POU3F3: variants seen among roughly 807,000 people sequenced by gnomAD.
POU3F3 encodes POU domain, class 3, transcription factor 3.
A neutral mutation model predicts 8.6 loss-of-function variants in POU3F3; 1 was observed. The observed-to-expected ratio is 0.12, with a 90% CI of 0.04 to 0.55. The LOEUF is 0.55. POU3F3 is among the 20% of genes least tolerant of loss of function. The pLI is 0.91. For missense variants in POU3F3, 577 were observed against 690.7 expected, an observed-to-expected ratio of 0.84 and a Z score of 1.84; for synonymous variants, 418 against 327.4, an observed-to-expected ratio of 1.28 and a Z score of -2.99.
At chr2:104,921,043 A>G in the POU3F3 span, among the ~76,000 whole-genome samples, 1 of 152,186 alleles carries the variant, frequency 6.6e-6, no homozygotes, top group Admixed American at 6.5e-5. Context: ...TACTTAGTCC[A>G]GGGCCACACC....
At chr2:104,892,997 A>G in the POU3F3 span, among the ~76,000 whole-genome samples, 1 of 152,034 alleles carries the variant, frequency 6.6e-6, no homozygotes, top group African/African-American at 2.4e-5. Flanking sequence ...ATGTTATTTC[A>G]CTAGATTCGA....
At chr2:104,909,216 C>T in the POU3F3 span, among the ~76,000 whole-genome samples, 1 of 152,180 alleles carries the variant, frequency 6.6e-6, no homozygotes, top group Non-Finnish European at 1.5e-5. Context: ...AAGACAATTA[C>T]CCCAGGGCCT....
chr2:104,863,388 G>A (rs1205074501), downstream of POU3F3, among the ~76,000 whole-genome samples: 1 of 152,028 alleles, frequency 6.6e-6, no homozygotes, highest in Non-Finnish European at 1.5e-5. Context: ...GGTTCCAGAG[G>A]TTCTGGCGAT....
chr2:104,925,235 T>C, the POU3F3 span, among the ~76,000 whole-genome samples: 11 of 152,330 alleles, frequency 7.2e-5, no homozygotes, highest in South Asian at 2.1e-4. Context: ...TTGGCTATCA[T>C]TTGTGCCTGG....
the POU3F3 span, among the ~76,000 whole-genome samples, chr2:104,899,762 G>C: frequency 1.3e-5 from 2 of 152,338 alleles, no homozygotes; most frequent in Middle Eastern, 3.4e-3. Flanking sequence ...GAGGCACTTT[G>C]AGGTTTTCCA....
chr2:104,860,752 CTTTTTTTTT>C (rs1178339577), downstream of POU3F3, among the ~76,000 whole-genome samples: 2 of 50,276 alleles, frequency 4.0e-5, no homozygotes, highest in East Asian at 2.3e-3. Context: ...GTTGCTCTGC[CTTTTTTTTT>C]TTTTTTTTTT....
the POU3F3 span, among the ~76,000 whole-genome samples, chr2:104,880,711 G>A: frequency 6.6e-6 from 1 of 152,090 alleles, no homozygotes; most frequent in South Asian, 2.1e-4. Flanking sequence ...AGGTCAGGGT[G>A]TGTTTTGTTG....
chr2:104,926,827 T>C, the POU3F3 span, among the ~76,000 whole-genome samples: 1 of 152,168 alleles, frequency 6.6e-6, no homozygotes, highest in African/African-American at 2.4e-5. Context: ...ACCGTCATTC[T>C]CAGCAAACTA....
At chr2:104,853,452 C>G (rs1225505443), upstream of POU3F3, 1 of 152,264 alleles carries the variant, frequency 6.6e-6, no homozygotes, top group African/African-American at 2.4e-5. Context: ...AGCGTGGCCA[C>G]GACCAGAGCT....
chr2:104,857,072 C>A lies in POU3F3; in HGVS notation c.*59C>A. The A allele has an allele frequency of 8.5e-7, 1 of 1,176,402 alleles. No homozygotes were observed. The highest frequency in any genetic ancestry group is 1.1e-6 in the Non-Finnish European group (1 of 951,590). The allele number at this position is 1,176,402 out of a possible 1,614,324, so 72.9% of individuals were successfully genotyped here. A position where few individuals can be genotyped will look rare whatever the true frequency, so the allele number is the denominator to read the frequency against. The stretch of plus-strand genomic sequence containing the variant: ...CCGCCGCCTCCGCAGCCGCCGTCAG[C>A]ACCGCCGCCGCCCCTGCCGCCGCCG... On this transcript the variant is annotated 3_prime_UTR_variant, in exon 1 of 1. Coordinates refer to ENST00000361360, the MANE Select transcript of POU3F3 (RefSeq NM_006236.3).
rs1228648704 is a variant in POU3F3 at position 104,855,096 on chromosome 2, C to T, written c.-415C>T. Among the ~76,000 whole-genome samples the T allele has an allele frequency of 6.6e-6, 1 of 151,806 alleles. No homozygotes were observed. Among genetic ancestry groups the T allele is most frequent in the East Asian group, 2.0e-4 (1 of 5,126 alleles). Reference sequence around the variant, plus strand: ...GGTCCCCGCCCCGCCCGGCGAGCCCCGCTGGAGCGAGCCCAGCGCGCCGGG... The same window carrying T: ...GGTCCCCGCCCCGCCCGGCGAGCCCTGCTGGAGCGAGCCCAGCGCGCCGGG... On this transcript the variant is annotated 5_prime_UTR_variant, in exon 1 of 1. Transcript: ENST00000361360.
rs1176427240 is a variant in POU3F3 at position 104,855,546 on chromosome 2, G to A, written c.36G>A (p.Gly12=). ...CGGCTTCTAACCCCTACCTGCCGGGGAACAGCCTGCTCGCGGCCGGCTCTA... is the reference window on the plus strand; with the variant it reads ...CGGCTTCTAACCCCTACCTGCCGGGAAACAGCCTGCTCGCGGCCGGCTCTA... ...ATAASNPYLP[G]NSLLAAGSIV... The change falls in exon 1 of 1, where the codon GGG becomes GGA. Residue 12 remains glycine, a synonymous_variant. Transcript: ENST00000361360. 5 of 1,044,716 alleles carry A rather than the reference G, an allele frequency of 4.8e-6. No individual in the cohort carries two copies. The highest frequency in any genetic ancestry group is 1.8e-5 in the African/African-American group (1 of 55,510). The allele number at this position is 1,044,716 out of a possible 1,614,324, so 64.7% of individuals were successfully genotyped here.
chr2:104,904,395 T>C, the POU3F3 span, among the ~76,000 whole-genome samples: 1 of 152,078 alleles, frequency 6.6e-6, no homozygotes, highest in East Asian at 1.9e-4. Context: ...GAAATGGGTA[T>C]AGCAAAAAGT....
At chr2:104,916,844 G>A in the POU3F3 span, among the ~76,000 whole-genome samples, 2 of 152,160 alleles carry the variant, frequency 1.3e-5, no homozygotes, top group Non-Finnish European at 2.9e-5. Flanking sequence ...TGCACTAAGG[G>A]ATGCCCAGAT....
At chr2:104,873,320 G>A in the POU3F3 span, among the ~76,000 whole-genome samples, 11 of 152,284 alleles carry the variant, frequency 7.2e-5, no homozygotes, top group South Asian at 2.3e-3. Flanking sequence ...CCCGCGGCCG[G>A]GTCGCCCGGC....
At chr2:104,878,176 C>T in the POU3F3 span, among the ~76,000 whole-genome samples, 2 of 152,144 alleles carry the variant, frequency 1.3e-5, no homozygotes, top group African/African-American at 4.8e-5. Flanking sequence ...GGTGGAAGGA[C>T]AGATCAGCTG....
chr2:104,914,965 C>T, the POU3F3 span, among the ~76,000 whole-genome samples: 1 of 152,130 alleles, frequency 6.6e-6, no homozygotes, highest in Non-Finnish European at 1.5e-5. Context: ...CTCTGTGGAG[C>T]CCTGAAGGCC....
chr2:104,904,425 A>T, the POU3F3 span, among the ~76,000 whole-genome samples: 1 of 152,160 alleles, frequency 6.6e-6, no homozygotes. Context: ...GTGAGTTTGT[A>T]TTTATATAAA....
chr2:104,905,448 AACTGAAGAAG>A, the POU3F3 span, among the ~76,000 whole-genome samples: 1 of 152,218 alleles, frequency 6.6e-6, no homozygotes, highest in African/African-American at 2.4e-5. Flanking sequence ...ATTAATATGT[AACTGAAGAAG>A]AGTTTTGTTT....
Sources: allele counts gnomAD v4.1 joint callset (sites outside exome capture counted in the v4.1 genomes callset), GRCh38; gene constraint gnomAD v4.1.1; transcripts MANE v1.5; gene names NCBI Gene and HGNC (gene_info 2026-07-23, HGNC 2026-07-21).